The following ARID3B variants were observed in gnomAD, a reference collection of about 807,000 sequenced individuals.
ARID3B encodes AT-rich interaction domain 3B.
ARID3B carries 10 observed loss-of-function variants against 51.9 expected under a neutral mutation model. The ratio of observed to expected loss-of-function variants is 0.19; its 90% CI spans 0.12 to 0.33. The LOEUF is 0.33. Among genes scored for constraint, ARID3B ranks in the 10% least tolerant of loss-of-function variants. The probability of loss-of-function intolerance (pLI) is 1.00; values close to 1 mark genes in which losing one functional copy is unlikely to be tolerated. For missense variants in ARID3B, 483 were observed against 716.3 expected (o/e 0.67, Z 3.72); for synonymous variants, 205 against 279.5 (o/e 0.73, Z 2.66).
intron 4 of ARID3B, among the ~76,000 whole-genome samples, chr15:74,579,709 A>G (rs1366305143): frequency 6.6e-6 from 1 of 152,004 alleles, no homozygotes; most frequent in Non-Finnish European, 1.5e-5. Flanking sequence ...ACTGAAGCCA[A>G]ATTCAACTAA....
intron 2 of ARID3B, among the ~76,000 whole-genome samples, chr15:74,565,250 A>G (rs1596255965): frequency 1.3e-5 from 2 of 151,894 alleles, no homozygotes; most frequent in South Asian, 4.2e-4. Context: ...TGGAGTCTCC[A>G]TATGTTTCCT....
At chr15:74,551,867 G>A (rs1381531604) in intron 2 of ARID3B, among the ~76,000 whole-genome samples, 2 of 151,930 alleles carry the variant, frequency 1.3e-5, no homozygotes, top group African/African-American at 2.4e-5. Flanking sequence ...GCATACTCCA[G>A]TCTGATCTCT....
At chr15:74,557,817 CTTTTTTTTTTT>C (rs11307414) in intron 2 of ARID3B, among the ~76,000 whole-genome samples, 1 of 109,778 alleles carries the variant, frequency 9.1e-6, no homozygotes, top group East Asian at 3.0e-4. Flanking sequence ...TTTCGACTTA[CTTTTTTTTTTT>C]TTTTTTTTTT....
At chr15:74,574,732 C>G (rs557976866) in intron 4 of ARID3B, 1 of 152,178 alleles carries the variant, frequency 6.6e-6, no homozygotes, top group Admixed American at 6.5e-5. Context: ...AGGCTGGGCG[C>G]GGTGGCTCCT....
At chr15:74,576,095 A>C (rs1425323439) in intron 4 of ARID3B, among the ~76,000 whole-genome samples, 1 of 152,084 alleles carries the variant, frequency 6.6e-6, no homozygotes, top group Non-Finnish European at 1.5e-5. Flanking sequence ...AGGTCTCACT[A>C]TGTTGCCCAG....
Position 74,595,910 on chromosome 15 carries a change from G to A in ARID3B, c.*136G>A, listed in dbSNP as rs534754882. 21 of 951,486 alleles carry A rather than the reference G, an allele frequency of 2.2e-5. No individual in the cohort carries two copies. The highest frequency in any genetic ancestry group is 3.4e-4 in the Middle Eastern group (1 of 2,938). The allele number at this position is 951,486 out of a possible 1,614,324, so 58.9% of individuals were successfully genotyped here. A position where few individuals can be genotyped will look rare whatever the true frequency, so the allele number is the denominator to read the frequency against. On this transcript the variant is annotated 3_prime_UTR_variant, in exon 9 of 9. Coordinates refer to ENST00000346246, the MANE Select transcript of ARID3B (RefSeq NM_006465.4). Reference sequence around the variant, plus strand: ...AGACATTGAGAGTTTGGACGTGTCCGTCTGTCCAGGCTCCATTCAGGTCCT... The same window carrying A: ...AGACATTGAGAGTTTGGACGTGTCCATCTGTCCAGGCTCCATTCAGGTCCT...
intron 2 of ARID3B, among the ~76,000 whole-genome samples, chr15:74,552,050 TC>T: frequency 6.8e-6 from 1 of 146,376 alleles, no homozygotes. Flanking sequence ...CTTTTTTCTT[TC>T]TTTCCTTTTT....
intron 2 of ARID3B, among the ~76,000 whole-genome samples, chr15:74,547,528 T>C (rs1247890025): frequency 6.6e-6 from 1 of 151,974 alleles, no homozygotes; most frequent in Non-Finnish European, 1.5e-5. Context: ...CATCTTGTTC[T>C]TTTGAACAAC....
At chr15:74,578,911 AGGAAAG>A (rs1422041116) in intron 4 of ARID3B, among the ~76,000 whole-genome samples, 5 of 152,152 alleles carry the variant, frequency 3.3e-5, no homozygotes, top group African/African-American at 9.7e-5. Flanking sequence ...AAAAGAAAGA[AGGAAAG>A]GGAAAGGGAA....
intron 4 of ARID3B, among the ~76,000 whole-genome samples, chr15:74,586,430 AAT>A (rs1271658115): frequency 6.6e-6 from 1 of 152,230 alleles, no homozygotes; most frequent in Non-Finnish European, 1.5e-5. Flanking sequence ...TAAAGAGGCT[AAT>A]TTTTAATGAA....
At chr15:74,560,080 C>G (rs1019354325) in intron 2 of ARID3B, among the ~76,000 whole-genome samples, 1 of 130,094 alleles carries the variant, frequency 7.7e-6, no homozygotes, top group African/African-American at 2.9e-5. Flanking sequence ...TGGCACACAC[C>G]TGTAATCCCA....
At chr15:74,584,141 C>T (rs1424452901) in intron 4 of ARID3B, among the ~76,000 whole-genome samples, 1 of 152,092 alleles carries the variant, frequency 6.6e-6, no homozygotes, top group African/African-American at 2.4e-5. Flanking sequence ...ATCCTGTCGC[C>T]CAGGTTGTAT....
At chr15:74,545,883 G>A (rs2061613886) in intron 2 of ARID3B, among the ~76,000 whole-genome samples, 1 of 152,148 alleles carries the variant, frequency 6.6e-6, no homozygotes, top group African/African-American at 2.4e-5. Context: ...GATTTGCTCT[G>A]AGCCTGTGTC....
rs1596266740 is a variant in ARID3B, at chr15:74,595,480, A to G, written c.1520-131A>G. ...CAGGACAGCATTTGGATCTTCTCCC[A>G]TCACCCCCTAGCACAGTGTCTACAG... On this transcript the variant is annotated intron_variant, in intron 8 of 8. Transcript: ENST00000346246. The G allele has an allele frequency of 2.9e-6, 3 of 1,024,716 alleles. No individual in the cohort carries two copies. The African/African-American group carries it at 4.9e-5, about 17-fold the overall frequency. 63.5% of individuals were successfully genotyped at this position (1,024,716 alleles called of 1,614,324 possible). A position where few individuals can be genotyped will look rare whatever the true frequency, so the allele number is the denominator to read the frequency against.
intron 2 of ARID3B, among the ~76,000 whole-genome samples, chr15:74,547,588 G>A (rs764391030): frequency 8.5e-5 from 13 of 152,174 alleles, no homozygotes; most frequent in Non-Finnish European, 1.6e-4. Context: ...TATGAAACAA[G>A]GCATGTTTCT....
rs988932720 is a variant in ARID3B, at chr15:74,560,118, T to C, written c.553-12744T>C. Among the ~76,000 whole-genome samples, 29 of 148,204 alleles carry C rather than the reference T, an allele frequency of 2.0e-4. No homozygotes were observed. In the Middle Eastern group the frequency reaches 0.01, roughly 54 times the overall value. On this transcript the variant is annotated intron_variant, in intron 2 of 8. Transcript: ENST00000346246. The stretch of plus-strand genomic sequence containing the variant: ...TACTCAGGAAGCTGAGGCAGAAGAA[T>C]CACTTGAATCTGGGAGATGGAGATT...
intron 2 of ARID3B, among the ~76,000 whole-genome samples, chr15:74,554,107 T>C (rs1264016251): frequency 7.2e-5 from 11 of 151,810 alleles, no homozygotes. Flanking sequence ...CCTGGGTTCA[T>C]GCCATTCTCC....
intron 4 of ARID3B, among the ~76,000 whole-genome samples, chr15:74,576,540 C>T (rs1447547326): frequency 1.3e-5 from 2 of 151,996 alleles, no homozygotes; most frequent in Admixed American, 1.3e-4. Context: ...TGCCTGTAGT[C>T]CCAAGCTACT....
chr15:74,561,086 G>A lies in ARID3B; in HGVS notation c.553-11776G>A, dbSNP rs143119213. ...AGGTGTGACCCACCGTGCCCAGCCC[G>A]TAGTTTGTCTTTCAACTTGATGTGT... On this transcript the variant is annotated intron_variant, in intron 2 of 8. Coordinates refer to ENST00000346246, the MANE Select transcript of ARID3B (RefSeq NM_006465.4). Among the ~76,000 whole-genome samples the A allele has an allele frequency of 1.1e-3, 162 of 152,170 alleles. No individual in the cohort carries two copies. The Middle Eastern group carries it at 0.017, about 16-fold the overall frequency.
Sources: gnomAD v4.1 joint callset for allele counts (sites outside exome capture counted in the v4.1 genomes callset) on GRCh38, gnomAD v4.1.1 for gene constraint, MANE v1.5 for transcripts, NCBI Gene and HGNC (gene_info 2026-07-23, HGNC 2026-07-21) for gene names.